Variants in RPS6KC1 observed in about 807,000 individuals in gnomAD.
RPS6KC1 encodes ribosomal protein S6 kinase C1, also known as inactive ribosomal protein S6 kinase delta-1.
RPS6KC1 carries 54 observed loss-of-function variants against 103.8 expected under a neutral mutation model. The observed-to-expected ratio is 0.52, with a 90% CI of 0.42 to 0.65. RPS6KC1 has a LOEUF of 0.65. RPS6KC1 is among the 30% of genes least tolerant of loss of function. The pLI, the probability that RPS6KC1 is intolerant of heterozygous loss-of-function variation, is 0.00. For missense variants in RPS6KC1, 1,151 were observed against 1,253.8 expected (o/e 0.92, Z 1.24); for synonymous variants, 439 against 438.7 (o/e 1.00, Z -0.01).
chr1:213,482,352 C>A, the RPS6KC1 span, among the ~76,000 whole-genome samples: 1 of 151,382 alleles, frequency 6.6e-6, no homozygotes. Context: ...TTTAATTCTC[C>A]TTTTGGCCCA....
At chr1:213,075,380 T>G (rs747425062) in intron 2 of RPS6KC1, among the ~76,000 whole-genome samples, 5 of 152,212 alleles carry the variant, frequency 3.3e-5, no homozygotes, top group Admixed American at 1.3e-4. Context: ...AAAATAACAA[T>G]TTTTTGTTCC....
At chr1:213,523,838 G>A in the RPS6KC1 span, among the ~76,000 whole-genome samples, 1 of 152,198 alleles carries the variant, frequency 6.6e-6, no homozygotes, top group Non-Finnish European at 1.5e-5. Context: ...GGGTTTCACT[G>A]ATGAAAGGGC....
chr1:213,765,013 C>A, the RPS6KC1 span, among the ~76,000 whole-genome samples: 1 of 152,154 alleles, frequency 6.6e-6, no homozygotes, highest in African/African-American at 2.4e-5. Context: ...TCTATTCCAG[C>A]AAGTTTTCAG....
chr1:213,566,355 A>C, the RPS6KC1 span, among the ~76,000 whole-genome samples: 11 of 148,254 alleles, frequency 7.4e-5, no homozygotes, highest in Non-Finnish European at 1.3e-4. Flanking sequence ...ACTTTCACTG[A>C]CATGTATTTA....
At chr1:213,105,542 C>T (rs911754441) in intron 4 of RPS6KC1, among the ~76,000 whole-genome samples, 11 of 151,974 alleles carry the variant, frequency 7.2e-5, no homozygotes, top group Non-Finnish European at 2.9e-5. Context: ...GCTTCATCAC[C>T]TAGGAATTTA....
At chr1:213,304,613 G>A in the RPS6KC1 span, among the ~76,000 whole-genome samples, 1 of 151,432 alleles carries the variant, frequency 6.6e-6, no homozygotes, top group African/African-American at 2.4e-5. Context: ...TGCCATCTTG[G>A]CTCACCACAA....
At chr1:213,238,971 T>G (rs2094290301) in intron 10 of RPS6KC1, among the ~76,000 whole-genome samples, 1 of 152,184 alleles carries the variant, frequency 6.6e-6, no homozygotes, top group African/African-American at 2.4e-5. Flanking sequence ...TATAGGTATT[T>G]GTGGTAAGAG....
chr1:213,662,555 G>A, the RPS6KC1 span, among the ~76,000 whole-genome samples: 2 of 151,670 alleles, frequency 1.3e-5, no homozygotes, highest in South Asian at 2.1e-4. Context: ...TGGGGTTACA[G>A]GCGTGAGCCA....
At chr1:213,613,575 A>G in the RPS6KC1 span, among the ~76,000 whole-genome samples, 1 of 152,248 alleles carries the variant, frequency 6.6e-6, no homozygotes, top group African/African-American at 2.4e-5. Flanking sequence ...GGCAGTGTCC[A>G]GTCTTGCAGT....
the RPS6KC1 span, among the ~76,000 whole-genome samples, chr1:213,397,693 A>T: frequency 1.3e-5 from 2 of 152,054 alleles, no homozygotes; most frequent in Non-Finnish European, 2.9e-5. Context: ...GCTGGAGGTC[A>T]AGGCAAAATG....
chr1:213,096,677 A>G (rs1011245143), intron 3 of RPS6KC1, among the ~76,000 whole-genome samples: 4 of 152,084 alleles, frequency 2.6e-5, no homozygotes, highest in African/African-American at 9.7e-5. Flanking sequence ...AGAAAAAAAA[A>G]AAAGTTGATA....
intron 6 of RPS6KC1, among the ~76,000 whole-genome samples, chr1:213,153,748 T>G (rs1322532088): frequency 6.6e-6 from 1 of 152,212 alleles, no homozygotes; most frequent in Non-Finnish European, 1.5e-5. Flanking sequence ...TTAGCACTTC[T>G]TGTAGGACAG....
chr1:213,854,546 TTCTTTCTTTCTTTCTTTCTC>T, the RPS6KC1 span, among the ~76,000 whole-genome samples: 2 of 103,680 alleles, frequency 1.9e-5, no homozygotes, highest in East Asian at 3.1e-4. Flanking sequence ...CTTTCTTTCT[TTCTTTCTTTCTTTCTTTCTC>T]TCTCTCTCTC....
chr1:213,405,245 A>T, the RPS6KC1 span, among the ~76,000 whole-genome samples: 2 of 152,262 alleles, frequency 1.3e-5, no homozygotes, highest in East Asian at 3.8e-4. Flanking sequence ...GCATTGGGAT[A>T]CGGAGGATAG....
At chr1:213,624,028 T>G in the RPS6KC1 span, among the ~76,000 whole-genome samples, 2 of 152,096 alleles carry the variant, frequency 1.3e-5, no homozygotes, top group Admixed American at 1.3e-4. Flanking sequence ...AATTGAGGTG[T>G]GATGGTTCAC....
the RPS6KC1 span, among the ~76,000 whole-genome samples, chr1:213,808,686 C>A: frequency 6.6e-6 from 1 of 152,232 alleles, no homozygotes; most frequent in Non-Finnish European, 1.5e-5. Flanking sequence ...ATCTGTCACC[C>A]CTTTCTTTGA....
chr1:213,497,743 A>G, the RPS6KC1 span, among the ~76,000 whole-genome samples: 1 of 152,128 alleles, frequency 6.6e-6, no homozygotes, highest in Non-Finnish European at 1.5e-5. Context: ...AAATTCTGTA[A>G]TAGTAAAAAG....
At chr1:213,744,125 G>A in the RPS6KC1 span, among the ~76,000 whole-genome samples, 1 of 152,028 alleles carries the variant, frequency 6.6e-6, no homozygotes, top group African/African-American at 2.4e-5. Context: ...TGGGGACTTG[G>A]GGGGAAAGGG....
At chr1:213,605,144 C>T in the RPS6KC1 span, among the ~76,000 whole-genome samples, 5 of 152,054 alleles carry the variant, frequency 3.3e-5, no homozygotes, top group East Asian at 1.9e-4. Context: ...AATTGCACTT[C>T]GAGGCCAAAA....
Sources: allele counts gnomAD v4.1 joint callset (sites outside exome capture counted in the v4.1 genomes callset), GRCh38; gene constraint gnomAD v4.1.1; transcripts MANE v1.5; gene names NCBI Gene and HGNC (gene_info 2026-07-23, HGNC 2026-07-21).